The following PDE4A variants were observed in gnomAD, a reference collection of about 807,000 sequenced individuals.
PDE4A encodes the protein phosphodiesterase 4A, also known as 3',5'-cyclic-AMP phosphodiesterase 4A.
Under a neutral mutation model 73.9 loss-of-function variants are expected in PDE4A, and 21 were observed. The observed-to-expected ratio is 0.28, with a 90% CI of 0.20 to 0.41. The LOEUF (loss-of-function observed/expected upper bound fraction) is 0.41, where lower values mean the gene tolerates loss of function less well. Ranked by LOEUF, PDE4A falls within the 10% of genes least tolerant of loss-of-function variation. PDE4A has a pLI of 1.00. For missense variants in PDE4A, 958 were observed against 1,211.4 expected (o/e 0.79, Z 3.10); for synonymous variants, 463 against 505.4 (o/e 0.92, Z 1.13).
rs1403742302 is a variant in PDE4A at position 10,449,087 on chromosome 19, C to T, written c.557C>T (p.Ala186Val). 1.2e-6 allele frequency: 2 copies of T among 1,613,570 alleles called. No individual in the cohort carries two copies. The highest frequency in any genetic ancestry group is 8.5e-7 in the Non-Finnish European group (1 of 1,179,758). ...LIVTPFAQVLASLRSVRSNFS... is the reference protein window; with the variant it reads ...LIVTPFAQVLVSLRSVRSNFS... ...TGCCGCTCCCCATCCCAGGTGCTGG[C>T]CAGCCTCCGGAGCGTCCGTAGCAAC... Residue 186 changes from alanine to valine, a missense_variant, in exon 4 of 15, where the codon GCC becomes GTC. Physicochemically the swap from Ala to Val is moderately conservative, Grantham distance 64 (BLOSUM62 0). Transcript: ENST00000380702.
At chr19:10,461,364 G>C (rs2043266314) in intron 11 of PDE4A, 162 bp from the exon 12 acceptor site, 1 of 971,328 alleles carries the variant, frequency 1.0e-6, no homozygotes, top group Non-Finnish European at 1.2e-6. Context: ...GGCGGGGCTG[G>C]CTGGGCTGGA....
chr19:10,428,272 C>T (rs565183618), intron 1 of PDE4A, among the ~76,000 whole-genome samples: 1 of 152,124 alleles, frequency 6.6e-6, no homozygotes, highest in East Asian at 1.9e-4. Context: ...GTTGAAGGAT[C>T]ACTTGACCGC....
intron 4 of PDE4A, 99 bp from the exon 5 acceptor site, chr19:10,450,504 C>A: frequency 6.7e-7 from 1 of 1,483,682 alleles, no homozygotes; most frequent in Middle Eastern, 1.8e-4. Flanking sequence ...GGTGAGTTTT[C>A]AGACAAATGA....
intron 7 of PDE4A, among the ~76,000 whole-genome samples, chr19:10,456,876 A>G (rs1028552345): frequency 2.0e-5 from 3 of 152,072 alleles, no homozygotes; most frequent in African/African-American, 7.2e-5. Context: ...AAGGCCCCCA[A>G]ATTCGGGAAC....
At chr19:10,457,465 G>A (rs1362556065) in intron 7 of PDE4A, among the ~76,000 whole-genome samples, 1 of 133,728 alleles carries the variant, frequency 7.5e-6, no homozygotes, top group Non-Finnish European at 1.6e-5. Context: ...TGGAGCCAGA[G>A]ACCACCCTTC....
Position 10,466,934 on chromosome 19 carries a change from G to T in PDE4A, c.1974G>T (p.Ala658=), listed in dbSNP as rs142093650. ...TGCACCCATTGTGGGAGACCTGGGC[G>T]GACCTTGTCCACCCAGATGCCCAGG... The part of the protein sequence containing the change: ...YIVHPLWETW[A]DLVHPDAQEI... The change falls in exon 15 of 15, where the codon GCG becomes GCT. Residue 658 remains alanine, a synonymous_variant. Transcript: ENST00000380702. 2 of 1,613,952 alleles carry T rather than the reference G, an allele frequency of 1.2e-6. No homozygotes were observed. Among genetic ancestry groups the T allele is most frequent in the African/African-American group, 1.3e-5 (1 of 74,898 alleles).
At chr19:10,442,992 ATATTACATATTACC>A (rs1390163281) in intron 1 of PDE4A, among the ~76,000 whole-genome samples, 9 of 151,920 alleles carry the variant, frequency 5.9e-5, no homozygotes, top group African/African-American at 2.2e-4. Context: ...CATATTACCA[ATATTACATATTACC>A]TATTACTACA....
At chr19:10,436,467 A>C (rs1437498838) in intron 1 of PDE4A, among the ~76,000 whole-genome samples, 1 of 152,118 alleles carries the variant, frequency 6.6e-6, no homozygotes, top group Admixed American at 6.6e-5. Context: ...AGGCAAGAGA[A>C]TCTCTTGAAC....
At chr19:10,449,520 G>A (rs979274277) in intron 4 of PDE4A, among the ~76,000 whole-genome samples, 3 of 151,634 alleles carry the variant, frequency 2.0e-5, no homozygotes, top group African/African-American at 7.3e-5. Flanking sequence ...CCACCACACC[G>A]GGCTAATTTT....
At chr19:10,443,387 A>T (rs2042963275) in intron 1 of PDE4A, among the ~76,000 whole-genome samples, 1 of 151,546 alleles carries the variant, frequency 6.6e-6, no homozygotes, top group South Asian at 2.1e-4. Context: ...TCTACAAAAA[A>T]TACAAAATTT....
chr19:10,423,758 G>GA (rs1409866714), intron 1 of PDE4A, among the ~76,000 whole-genome samples: 8 of 152,060 alleles, frequency 5.3e-5, no homozygotes, highest in African/African-American at 1.7e-4. Context: ...AGGGTGAGTA[G>GA]AAAAAAACAG....
chr19:10,432,360 G>C, intron 1 of PDE4A: 1 of 1,307,990 alleles, frequency 7.6e-7, no homozygotes, highest in Non-Finnish European at 9.7e-7. Context: ...AGACACCTTG[G>C]GCCTGGCCAG....
chr19:10,431,116 AAGTCGC>A, intron 1 of PDE4A: 1 of 1,445,984 alleles, frequency 6.9e-7, no homozygotes, highest in South Asian at 1.4e-5. Flanking sequence ...CCGTGGGTTC[AAGTCGC>A]CCCTGGCCAC....
At position 10,453,196 on chromosome 19, in the gene PDE4A, T is replaced by G; in HGVS notation, c.784-1633T>G. 1.3e-6 allele frequency: 2 copies of G among 1,528,028 alleles called. No homozygotes were observed. Among genetic ancestry groups the G allele is most frequent in the Non-Finnish European group, 8.8e-7 (1 of 1,135,340 alleles). 94.7% of individuals were successfully genotyped at this position (1,528,028 alleles called of 1,614,324 possible). A position where few individuals can be genotyped will look rare whatever the true frequency, so the allele number is the denominator to read the frequency against. ...TGCCCGGCACCCCCTCCCCAGTGGTTGTTAACCCCGGGACTCCCCAAGCCC... is the reference window on the plus strand; with the variant it reads ...TGCCCGGCACCCCCTCCCCAGTGGTGGTTAACCCCGGGACTCCCCAAGCCC... On this transcript the variant is annotated intron_variant, in intron 6 of 14. Coordinates refer to ENST00000380702, the MANE Select transcript of PDE4A (RefSeq NM_001111307.2). This position sits in a 1 kb window ranked among gnomAD's most constrained non-coding sequence, Gnocchi z 4.6.
intron 10 of PDE4A, among the ~76,000 whole-genome samples, chr19:10,460,615 C>T (rs978318986): frequency 1.2e-4 from 18 of 149,128 alleles, no homozygotes; most frequent in African/African-American, 4.5e-4. Context: ...GCCAACATGG[C>T]GAAACCCTGT....
At chr19:10,418,977 T>G, upstream of PDE4A, 1 of 984,232 alleles carries the variant, frequency 1.0e-6, no homozygotes, top group African/African-American at 1.8e-5. Context: ...GGGGGGCCGG[T>G]TTTTGCTCGG....
rs775904264 is a variant in PDE4A, at chr19:10,463,910, C to T, written c.1861C>T (p.Arg621Cys). ...AEFFQQGDRERERGMEISPMC... is the reference protein window; with the variant it reads ...AEFFQQGDRECERGMEISPMC... ...GTTCTTCCAGCAGGGTGACCGAGAG[C>T]GCGAGCGTGGCATGGAAATCAGCCC... Residue 621 changes from arginine to cysteine, a missense_variant, in exon 14 of 15, where the codon CGC becomes TGC. Physicochemically the swap from Arg to Cys is radical, Grantham distance 180. Coordinates refer to ENST00000380702, the MANE Select transcript of PDE4A (RefSeq NM_001111307.2). The T allele has an allele frequency of 8.7e-6, 14 of 1,613,936 alleles. No homozygotes were observed. Among genetic ancestry groups the T allele is most frequent in the East Asian group, 2.2e-5 (1 of 44,894 alleles).
At chr19:10,434,477 G>C (rs2042837840) in intron 1 of PDE4A, among the ~76,000 whole-genome samples, 1 of 151,898 alleles carries the variant, frequency 6.6e-6, no homozygotes, top group South Asian at 2.1e-4. Flanking sequence ...CAAAGTGCTG[G>C]GATTACAGAC....
chr19:10,455,292 A>G (rs1162022152), intron 7 of PDE4A, among the ~76,000 whole-genome samples: 1 of 152,022 alleles, frequency 6.6e-6, no homozygotes, highest in Non-Finnish European at 1.5e-5. Flanking sequence ...GTGAAACCCC[A>G]TCTCTACTAA....
Sources: allele counts gnomAD v4.1 joint callset (sites outside exome capture counted in the v4.1 genomes callset), GRCh38; gene constraint gnomAD v4.1.1; non-coding constraint Gnocchi (gnomAD v3.1); transcripts MANE v1.5; gene names NCBI Gene and HGNC (gene_info 2026-07-23, HGNC 2026-07-21).